Variants in ROBO2 observed in about 807,000 individuals in gnomAD.
ROBO2 encodes the protein roundabout homolog 2.
A neutral mutation model predicts 160.8 loss-of-function variants in ROBO2; 53 were observed. The ratio of observed to expected loss-of-function variants is 0.33; its 90% CI spans 0.26 to 0.41. The LOEUF is 0.41. Ranked by LOEUF, ROBO2 falls within the 10% of genes least tolerant of loss-of-function variation. The pLI, the probability that ROBO2 is intolerant of heterozygous loss-of-function variation, is 1.00. For synonymous variants in ROBO2, 664 were observed against 611.7 expected, an observed-to-expected ratio of 1.09 and a Z score of -1.26; for missense variants, 1,577 against 1,722.4, an observed-to-expected ratio of 0.92 and a Z score of 1.49.
chr3:77,541,618 T>G (rs1159001411), intron 6 of ROBO2, among the ~76,000 whole-genome samples: 3 of 152,312 alleles, frequency 2.0e-5, no homozygotes, highest in East Asian at 3.9e-4. Flanking sequence ...AGAGCTATTG[T>G]TTTTCAGCTT....
chr3:76,236,339 T>C (rs1037927997), intron 2 of ROBO2, among the ~76,000 whole-genome samples: 1 of 152,120 alleles, frequency 6.6e-6, no homozygotes, highest in African/African-American at 2.4e-5. Flanking sequence ...TTTATCTTGG[T>C]TTTGGAGGCT....
At chr3:76,593,592 T>C (rs2086555908) in intron 2 of ROBO2, among the ~76,000 whole-genome samples, 1 of 152,096 alleles carries the variant, frequency 6.6e-6, no homozygotes, top group African/African-American at 2.4e-5. Flanking sequence ...TTTCAGAAAT[T>C]AAGTGTTTCC....
At chr3:77,352,239 A>AT (rs1177309265) in intron 2 of ROBO2, among the ~76,000 whole-genome samples, 1 of 151,098 alleles carries the variant, frequency 6.6e-6, no homozygotes, top group Non-Finnish European at 1.5e-5. Flanking sequence ...TTTTCTGAAA[A>AT]AAAAATAAAA....
intron 2 of ROBO2, among the ~76,000 whole-genome samples, chr3:77,116,754 G>A (rs1283962405): frequency 1.3e-5 from 2 of 152,114 alleles, no homozygotes; most frequent in African/African-American, 2.4e-5. Context: ...TCTGTGCTAT[G>A]CTTGGCAAGT....
At chr3:77,351,382 T>C (rs1400205183) in intron 2 of ROBO2, among the ~76,000 whole-genome samples, 1 of 152,130 alleles carries the variant, frequency 6.6e-6, no homozygotes, top group Non-Finnish European at 1.5e-5. Context: ...AAATGAGCCA[T>C]TGAAGGTGAA....
intron 2 of ROBO2, among the ~76,000 whole-genome samples, chr3:76,845,485 A>G (rs1222730114): frequency 1.3e-5 from 2 of 151,956 alleles, no homozygotes; most frequent in Non-Finnish European, 2.9e-5. Context: ...CCAATGTGAC[A>G]GAGATATAGA....
intron 2 of ROBO2, among the ~76,000 whole-genome samples, chr3:77,169,230 T>C (rs934839361): frequency 6.6e-6 from 1 of 152,198 alleles, no homozygotes; most frequent in Non-Finnish European, 1.5e-5. Flanking sequence ...TTATTTAACA[T>C]TGTGTTAAAA....
In ROBO2 at chr3:77,091,765, G is replaced by A. The variant is rs2070296236; in HGVS notation, c.62-6249G>A. Among the ~76,000 whole-genome samples the A allele has an allele frequency of 2.0e-5, 3 of 151,976 alleles. No individual in the cohort carries two copies. The South Asian group carries it at 6.2e-4, about 31-fold the overall frequency. On this transcript the variant is annotated intron_variant, in intron 1 of 25. Transcript: ENST00000461745. ...AGGCCGAAGCAGGAGGCTCGCTTGAGGCCAGGGGTTCGAGACCATCCTGGC... is the reference window on the plus strand; with the variant it reads ...AGGCCGAAGCAGGAGGCTCGCTTGAAGCCAGGGGTTCGAGACCATCCTGGC...
intron 2 of ROBO2, among the ~76,000 whole-genome samples, chr3:76,110,761 A>T (rs2070192088): frequency 6.6e-6 from 1 of 152,288 alleles, no homozygotes; most frequent in African/African-American, 2.4e-5. Context: ...AAAAGTATTA[A>T]GAAATGAAGA....
intron 2 of ROBO2, among the ~76,000 whole-genome samples, chr3:77,184,490 A>T (rs984879913): frequency 2.6e-5 from 4 of 152,014 alleles, no homozygotes; most frequent in Admixed American, 2.0e-4. Flanking sequence ...AAGAGGTCAA[A>T]GGATCACTTC....
At chr3:76,404,578 T>G (rs1576986513) in intron 2 of ROBO2, among the ~76,000 whole-genome samples, 1 of 150,146 alleles carries the variant, frequency 6.7e-6, no homozygotes, top group East Asian at 1.9e-4. Context: ...AGGGTGAACT[T>G]TTTTTTTTAA....
At chr3:76,636,933 A>G (rs762309806) in intron 2 of ROBO2, among the ~76,000 whole-genome samples, 3 of 137,970 alleles carry the variant, frequency 2.2e-5, no homozygotes, top group Non-Finnish European at 3.1e-5. Flanking sequence ...AAGTGGGTAG[A>G]ATAGAGTGAT....
chr3:76,980,012 T>C (rs926294275), intron 2 of ROBO2, among the ~76,000 whole-genome samples: 14 of 152,004 alleles, frequency 9.2e-5, no homozygotes, highest in Non-Finnish European at 2.1e-4. Flanking sequence ...AGAAATACTT[T>C]GGTGTGTTTG....
chr3:77,384,821 G>A (rs6548505), intron 2 of ROBO2, among the ~76,000 whole-genome samples: 125,485 of 152,134 alleles, frequency 0.82, 51,937 homozygotes, highest in East Asian at 1. Context: ...ATAGAAAATG[G>A]CTGTAGACTT....
intron 7 of ROBO2, among the ~76,000 whole-genome samples, chr3:77,548,920 T>C (rs1206663102): frequency 6.6e-6 from 1 of 151,916 alleles, no homozygotes; most frequent in Non-Finnish European, 1.5e-5. Context: ...TGGGAAAAAA[T>C]AAGTCGGTCT....
At chr3:77,268,938 A>G (rs2059310609) in intron 2 of ROBO2, among the ~76,000 whole-genome samples, 1 of 152,164 alleles carries the variant, frequency 6.6e-6, no homozygotes, top group East Asian at 1.9e-4. Flanking sequence ...GTTTGTAATA[A>G]TTAGCTTCCC....
At chr3:76,026,414 A>T (rs2066747941) in intron 2 of ROBO2, among the ~76,000 whole-genome samples, 1 of 151,966 alleles carries the variant, frequency 6.6e-6, no homozygotes, top group Non-Finnish European at 1.5e-5. Flanking sequence ...AATACTATTA[A>T]TGCTTTTTCT....
chr3:77,435,837 T>G (rs552272782), intron 2 of ROBO2, among the ~76,000 whole-genome samples: 4 of 151,618 alleles, frequency 2.6e-5, no homozygotes, highest in African/African-American at 9.7e-5. Context: ...AAAGTATATC[T>G]GATAGTTGTT....
intron 2 of ROBO2, among the ~76,000 whole-genome samples, chr3:76,427,743 A>G (rs1200861060): frequency 2.6e-5 from 4 of 152,156 alleles, no homozygotes; most frequent in Non-Finnish European, 5.9e-5. Context: ...TTTAATGATT[A>G]CGGTTATATT....
Sources: gnomAD v4.1 joint callset for allele counts (sites outside exome capture counted in the v4.1 genomes callset) on GRCh38, gnomAD v4.1.1 for gene constraint, MANE v1.5 for transcripts, NCBI Gene and HGNC (gene_info 2026-07-23, HGNC 2026-07-21) for gene names.